LPP: variants seen among roughly 807,000 people sequenced by gnomAD.
The protein encoded by LPP is LIM domain containing preferred translocation partner in lipoma, also known as lipoma-preferred partner.
LPP carries 38 observed loss-of-function variants against 60.4 expected under a neutral mutation model. The observed-to-expected ratio is 0.63, with a 90% CI of 0.49 to 0.83. The LOEUF (loss-of-function observed/expected upper bound fraction) is 0.83, where lower values mean the gene tolerates loss of function less well. Ranked by LOEUF, LPP falls within the 40% of genes least tolerant of loss-of-function variation. LPP has a pLI of 0.00. For synonymous variants in LPP, 328 were observed against 290.8 expected (o/e 1.13, Z -1.30); for missense variants, 902 against 783.6 (o/e 1.15, Z -1.80).
At chr3:188,574,114 A>G (rs1834086144) in intron 6 of LPP, among the ~76,000 whole-genome samples, 1 of 152,154 alleles carries the variant, frequency 6.6e-6, no homozygotes, top group African/African-American at 2.4e-5. Context: ...GCCAAGAAGC[A>G]GCTGAGCTGG....
Position 188,518,310 on chromosome 3 carries a change from A to C in LPP, c.307-6355A>C, listed in dbSNP as rs578033950. Among the ~76,000 whole-genome samples the C allele has an allele frequency of 1.7e-4, 26 of 152,350 alleles. No homozygotes were observed. In the South Asian group the frequency reaches 5.4e-3, roughly 32 times the overall value. On this transcript the variant is annotated intron_variant, in intron 5 of 11. Coordinates refer to ENST00000617246, the MANE Select transcript of LPP (RefSeq NM_001375462.1). ...ACTGACCATAATAGAAAAAAAATAC[A>C]GTGAAATTCCTGTTGTATTATTAAA...
At chr3:188,213,961 A>AACACACACACACACAC (rs59389556) in intron 1 of LPP, among the ~76,000 whole-genome samples, 4,100 of 130,336 alleles carry the variant, frequency 0.031, 170 homozygotes, top group East Asian at 0.095. Context: ...TTAGATTTTA[A>AACACACACACACACAC]ACACACACAC....
intron 2 of LPP, among the ~76,000 whole-genome samples, chr3:188,322,013 T>C (rs1388411160): frequency 6.6e-6 from 1 of 152,206 alleles, no homozygotes; most frequent in Non-Finnish European, 1.5e-5. Flanking sequence ...TAAGGAATCT[T>C]TTCAAGATGC....
At chr3:188,160,351 C>T (rs563949317) in intron 1 of LPP, among the ~76,000 whole-genome samples, 10 of 152,220 alleles carry the variant, frequency 6.6e-5, no homozygotes, top group African/African-American at 9.6e-5. Flanking sequence ...CCTGCTGGCA[C>T]GCCTGGCTAA....
At chr3:188,371,390 A>G (rs1450943400) in intron 3 of LPP, among the ~76,000 whole-genome samples, 1 of 151,496 alleles carries the variant, frequency 6.6e-6, no homozygotes, top group African/African-American at 2.4e-5. Context: ...CAAAAACCTC[A>G]TACTCTGAAG....
intron 9 of LPP, among the ~76,000 whole-genome samples, chr3:188,820,455 C>T (rs1456710225): frequency 6.6e-6 from 1 of 152,116 alleles, no homozygotes; most frequent in Non-Finnish European, 1.5e-5. Context: ...CTGTGTGAAT[C>T]TGTGTGCACT....
intron 7 of LPP, among the ~76,000 whole-genome samples, chr3:188,650,379 G>A (rs572246555): frequency 7.9e-5 from 12 of 152,202 alleles, no homozygotes; most frequent in South Asian, 4.1e-4. Flanking sequence ...GATTTACTGC[G>A]TTTTATTCTG....
intron 4 of LPP, among the ~76,000 whole-genome samples, chr3:188,434,554 A>G (rs1055848286): frequency 1.3e-5 from 2 of 152,216 alleles, no homozygotes; most frequent in African/African-American, 4.8e-5. Flanking sequence ...TGTGATGTTC[A>G]GAATAACAGC....
At chr3:188,521,557 T>C (rs924879244) in intron 5 of LPP, among the ~76,000 whole-genome samples, 5 of 152,170 alleles carry the variant, frequency 3.3e-5, no homozygotes, top group Non-Finnish European at 7.3e-5. Flanking sequence ...ACTTAATGAA[T>C]GATGCTTCCC....
intron 4 of LPP, among the ~76,000 whole-genome samples, chr3:188,450,850 G>T (rs191011009): frequency 6.6e-6 from 1 of 151,994 alleles, no homozygotes; most frequent in South Asian, 2.1e-4. Flanking sequence ...TTCACTGATT[G>T]ATTTCGTTAG....
At chr3:188,688,170 A>T (rs1435483573) in intron 7 of LPP, among the ~76,000 whole-genome samples, 1 of 152,204 alleles carries the variant, frequency 6.6e-6, no homozygotes, top group Non-Finnish European at 1.5e-5. Flanking sequence ...GCCTAAACCC[A>T]TATCCTTTAG....
chr3:188,471,654 G>C (rs1471927593), intron 4 of LPP, among the ~76,000 whole-genome samples: 1 of 152,234 alleles, frequency 6.6e-6, no homozygotes, highest in Non-Finnish European at 1.5e-5. Context: ...CACTGAGCTA[G>C]AGGTTCATTT....
At chr3:188,348,253 T>C (rs1764913975) in intron 3 of LPP, among the ~76,000 whole-genome samples, 1 of 152,110 alleles carries the variant, frequency 6.6e-6, no homozygotes, top group South Asian at 2.1e-4. Context: ...TTCAAGCGAT[T>C]CTCCTGCTTC....
intron 2 of LPP, among the ~76,000 whole-genome samples, chr3:188,322,053 G>A (rs550221019): frequency 2.0e-5 from 3 of 152,188 alleles, no homozygotes; most frequent in African/African-American, 7.2e-5. Context: ...GGTAAAGGGG[G>A]ACAGAAAAGG....
chr3:188,212,351 T>C (rs887674161), intron 1 of LPP, among the ~76,000 whole-genome samples: 7 of 152,182 alleles, frequency 4.6e-5, no homozygotes, highest in African/African-American at 1.7e-4. Flanking sequence ...ACTTCCTTGT[T>C]TGGGGTGGAG....
At chr3:188,514,436 A>T (rs773052519) in intron 5 of LPP, among the ~76,000 whole-genome samples, 45 of 131,730 alleles carry the variant, frequency 3.4e-4, no homozygotes, top group South Asian at 5.4e-4. Flanking sequence ...TTTATTTTTT[A>T]TTTTATTTTT....
intron 4 of LPP, among the ~76,000 whole-genome samples, chr3:188,483,736 T>A (rs1805484310): frequency 6.6e-6 from 1 of 152,132 alleles, no homozygotes; most frequent in African/African-American, 2.4e-5. Context: ...TATCCCAAAG[T>A]CTCATTACTT....
chr3:188,614,675 T>C (rs983336416), intron 7 of LPP, among the ~76,000 whole-genome samples: 5 of 152,138 alleles, frequency 3.3e-5, no homozygotes, highest in African/African-American at 4.8e-5. Flanking sequence ...CAGCTCCAAG[T>C]CAGGTCTTCT....
At chr3:188,422,200 A>G (rs1304559490) in intron 4 of LPP, among the ~76,000 whole-genome samples, 1 of 152,176 alleles carries the variant, frequency 6.6e-6, no homozygotes, top group Non-Finnish European at 1.5e-5. Flanking sequence ...TGCCAACATT[A>G]TTACCAATGT....
Sources: allele counts gnomAD v4.1 joint callset (sites outside exome capture counted in the v4.1 genomes callset), GRCh38; gene constraint gnomAD v4.1.1; transcripts MANE v1.5; gene names NCBI Gene and HGNC (gene_info 2026-07-23, HGNC 2026-07-21).